The following PINX1 variants were observed in gnomAD, a reference collection of about 807,000 sequenced individuals.
PINX1 encodes PIN2 (TERF1) interacting telomerase inhibitor 1, also known as PIN2/TERF1-interacting telomerase inhibitor 1.
In PINX1, 34 loss-of-function variants were observed where a neutral mutation model predicts 25.4. That is an observed-to-expected ratio of 1.34 (90% CI 1.02 to 1.78). The LOEUF is 1.78. Ranked by LOEUF, PINX1 falls within the 40% of genes most tolerant of loss-of-function variation. The pLI is 0.00. For synonymous variants in PINX1, 197 were observed against 147.7 expected (o/e 1.33, Z -2.42); for missense variants, 592 against 404.9 (o/e 1.46, Z -3.97).
intron 6 of PINX1, among the ~76,000 whole-genome samples, chr8:10,772,968 A>G (rs758744161): frequency 3.3e-4 from 50 of 152,188 alleles, no homozygotes; most frequent in Admixed American, 1.4e-3. Flanking sequence ...TTAGGAGGAA[A>G]CAAAAAACTA....
At chr8:10,820,984 CT>C (rs1440754860) in intron 5 of PINX1, among the ~76,000 whole-genome samples, 2 of 152,236 alleles carry the variant, frequency 1.3e-5, no homozygotes, top group Non-Finnish European at 2.9e-5. Flanking sequence ...CCCAAACCAA[CT>C]AATTTAAAAT....
intron 5 of PINX1, chr8:10,822,266 G>A (rs1215868617): frequency 6.6e-6 from 1 of 152,138 alleles, no homozygotes. Flanking sequence ...ATAAACACCA[G>A]GAAATTATGG....
At chr8:10,800,244 A>G (rs1014132122) in intron 6 of PINX1, among the ~76,000 whole-genome samples, 3 of 152,258 alleles carry the variant, frequency 2.0e-5, no homozygotes, top group Non-Finnish European at 4.4e-5. Context: ...CATGAACAAG[A>G]ACACTGCGTA....
chr8:10,836,745 T>C lies in PINX1; in HGVS notation c.20-1970A>G, dbSNP rs147672232. Among the ~76,000 whole-genome samples the C allele has an allele frequency of 1.5e-3, 236 of 152,258 alleles. 3 individuals are homozygous for C. Among genetic ancestry groups the C allele is most frequent in the East Asian group, 7.9e-3 (41 of 5,174 alleles). On this transcript the variant is annotated intron_variant, in intron 1 of 6. Transcript: ENST00000314787. ...ATGAGTAACACTGGGTTAAACTAAATTTCATATGGAAGAATCTCCCGGAAA... is the reference window on the plus strand; with the variant it reads ...ATGAGTAACACTGGGTTAAACTAAACTTCATATGGAAGAATCTCCCGGAAA...
At chr8:10,794,116 C>CA (rs1235575177) in intron 6 of PINX1, among the ~76,000 whole-genome samples, 3 of 152,186 alleles carry the variant, frequency 2.0e-5, no homozygotes, top group Non-Finnish European at 4.4e-5. Context: ...TAACTCTCTT[C>CA]ATTAATTTTT....
intron 5 of PINX1, chr8:10,825,365 C>A (rs1289740625): frequency 5.6e-6 from 3 of 534,658 alleles, no homozygotes; most frequent in African/African-American, 3.9e-5. Flanking sequence ...TCAACAGAGA[C>A]TAGATATTAC....
chr8:10,792,394 C>G (rs777932406), intron 6 of PINX1, among the ~76,000 whole-genome samples: 5 of 152,042 alleles, frequency 3.3e-5, no homozygotes, highest in Admixed American at 2.0e-4. Flanking sequence ...CCGGGGGCCA[C>G]GTGCACACCT....
intron 1 of PINX1, 144 bp downstream of exon 1, chr8:10,839,594 G>T (rs867101030): frequency 1.2e-6 from 1 of 803,400 alleles, no homozygotes; most frequent in Middle Eastern, 3.3e-4. Flanking sequence ...AGGACAATCA[G>T]AGCCGGGCTC....
intron 2 of PINX1, among the ~76,000 whole-genome samples, chr8:10,833,958 T>C (rs1157634289): frequency 1.3e-5 from 2 of 152,150 alleles, no homozygotes; most frequent in African/African-American, 4.8e-5. Context: ...AGTGGAAATA[T>C]CAAGTAGGCT....
intron 4 of PINX1, among the ~76,000 whole-genome samples, chr8:10,829,765 A>C (rs1410447549): frequency 6.6e-6 from 1 of 151,830 alleles, no homozygotes; most frequent in Non-Finnish European, 1.5e-5. Context: ...GCCTCACCAC[A>C]AACTCCGCCT....
At chr8:10,812,958 A>G (rs1350232710) in intron 6 of PINX1, among the ~76,000 whole-genome samples, 2 of 152,256 alleles carry the variant, frequency 1.3e-5, no homozygotes, top group Non-Finnish European at 2.9e-5. Context: ...AGATCTTTCT[A>G]GAAGTAAATG....
rs760904000 is a variant in PINX1, at chr8:10,765,588, T to A, written c.800A>T (p.Asp267Val). 1.8e-5 allele frequency: 29 copies of A among 1,613,582 alleles called. No homozygotes were observed. Among genetic ancestry groups the A allele is most frequent in the Non-Finnish European group, 2.3e-5 (27 of 1,179,862 alleles). Reference sequence around the variant, plus strand: ...CTGAGCAGAGGCCTTGGAACTCTGGTCCCAGCAGGGGCCTCTGAGCTGCTC... The same window carrying A: ...CTGAGCAGAGGCCTTGGAACTCTGGACCCAGCAGGGGCCTCTGAGCTGCTC... ...AEEQLRGPCW[D>V]QSSKASAQDA... The change falls in exon 7 of 7, where the codon GAC (aspartate) becomes GTC (valine). Residue 267 changes from aspartate to valine, a missense_variant. Asp to Val is a radical substitution (Grantham distance 152). Coordinates refer to ENST00000314787, the MANE Select transcript of PINX1 (RefSeq NM_017884.6).
At chr8:10,821,048 C>G (rs987413090) in intron 5 of PINX1, among the ~76,000 whole-genome samples, 3 of 152,228 alleles carry the variant, frequency 2.0e-5, no homozygotes, top group African/African-American at 7.2e-5. Flanking sequence ...GAGCAGTAGG[C>G]CAAATCTAGT....
At chr8:10,806,249 C>G (rs1012027731) in intron 6 of PINX1, among the ~76,000 whole-genome samples, 2 of 152,184 alleles carry the variant, frequency 1.3e-5, no homozygotes, top group African/African-American at 4.8e-5. Context: ...CTTCACTGCA[C>G]AGTGGGGGCT....
At chr8:10,823,467 A>C (rs1286626675) in intron 5 of PINX1, among the ~76,000 whole-genome samples, 5 of 152,116 alleles carry the variant, frequency 3.3e-5, no homozygotes, top group Admixed American at 2.6e-4. Context: ...GTATCGATTG[A>C]CATTTTCCCC....
chr8:10,827,779 C>T (rs182656562), intron 4 of PINX1, among the ~76,000 whole-genome samples: 8 of 151,424 alleles, frequency 5.3e-5, no homozygotes, highest in East Asian at 2.0e-4. Flanking sequence ...GGCGTGGTGG[C>T]GGGCACCTGT....
At chr8:10,787,132 TAGC>T (rs1368686214) in intron 6 of PINX1, among the ~76,000 whole-genome samples, 4 of 152,030 alleles carry the variant, frequency 2.6e-5, no homozygotes, top group Admixed American at 6.6e-5. Context: ...AATGCATAAA[TAGC>T]AGAAATGTCT....
chr8:10,811,493 T>C (rs1397034390), intron 6 of PINX1, among the ~76,000 whole-genome samples: 1 of 152,230 alleles, frequency 6.6e-6, no homozygotes, highest in South Asian at 2.1e-4. Flanking sequence ...TAAACCATCC[T>C]GACACTCAGT....
chr8:10,777,752 G>C (rs891900593), intron 6 of PINX1, among the ~76,000 whole-genome samples: 6 of 152,212 alleles, frequency 3.9e-5, no homozygotes, highest in African/African-American at 1.4e-4. Context: ...CTTCCGTTCT[G>C]GTTAGAATGA....
Sources: gnomAD v4.1 joint callset for allele counts (sites outside exome capture counted in the v4.1 genomes callset) on GRCh38, gnomAD v4.1.1 for gene constraint, MANE v1.5 for transcripts, NCBI Gene and HGNC (gene_info 2026-07-23, HGNC 2026-07-21) for gene names.